GMDS: variants seen among roughly 807,000 people sequenced by gnomAD.
GMDS encodes the protein GDP-mannose 4,6-dehydratase.
A neutral mutation model predicts 49.9 loss-of-function variants in GMDS; 20 were observed. That is an observed-to-expected ratio of 0.40 (90% CI 0.28 to 0.58). The LOEUF is 0.58. Among genes scored for constraint, GMDS ranks in the 20% least tolerant of loss-of-function variants. The pLI, the probability that GMDS is intolerant of heterozygous loss-of-function variation, is 0.42. For synonymous variants in GMDS, 177 were observed against 178.6 expected (o/e 0.99, Z 0.07); for missense variants, 362 against 481.4 (o/e 0.75, Z 2.32).
At chr6:1,971,831 G>A (rs1187848217) in intron 4 of GMDS, among the ~76,000 whole-genome samples, 1 of 152,194 alleles carries the variant, frequency 6.6e-6, no homozygotes, top group Non-Finnish European at 1.5e-5. Context: ...AGGCGAATTG[G>A]AGCTCTCACA....
At chr6:2,050,896 G>A (rs1245193140) in intron 4 of GMDS, among the ~76,000 whole-genome samples, 1 of 152,048 alleles carries the variant, frequency 6.6e-6, no homozygotes, top group Non-Finnish European at 1.5e-5. Flanking sequence ...TCACTCATAG[G>A]TGGGAAATGA....
chr6:1,649,190 A>C (rs1283659626), intron 9 of GMDS, among the ~76,000 whole-genome samples: 1 of 152,194 alleles, frequency 6.6e-6, no homozygotes, highest in African/African-American at 2.4e-5. Context: ...GTTTGGAATA[A>C]TACTGTGATG....
intron 7 of GMDS, among the ~76,000 whole-genome samples, chr6:1,920,551 G>C (rs952785556): frequency 6.6e-6 from 1 of 152,176 alleles, no homozygotes; most frequent in African/African-American, 2.4e-5. Flanking sequence ...GAGTGCATGA[G>C]TATAAAGATG....
chr6:2,142,057 T>C (rs929120617), intron 1 of GMDS, among the ~76,000 whole-genome samples: 2 of 152,188 alleles, frequency 1.3e-5, no homozygotes, highest in African/African-American at 2.4e-5. Flanking sequence ...TATTTTCTTA[T>C]ACGGGGGAGG....
chr6:1,713,471 C>T (rs977797578), intron 9 of GMDS, among the ~76,000 whole-genome samples: 6 of 152,216 alleles, frequency 3.9e-5, no homozygotes, highest in African/African-American at 1.4e-4. Context: ...CCACTGCCCA[C>T]CCCCGCCAGC....
intron 7 of GMDS, 98 bp downstream of exon 7, chr6:1,930,005 T>G: frequency 1.8e-6 from 2 of 1,082,484 alleles, no homozygotes; most frequent in Non-Finnish European, 2.7e-6. Context: ...AAGGTTTGTA[T>G]GCCCCCACCT....
chr6:1,737,996 CCA>C (rs1212464966), intron 8 of GMDS, among the ~76,000 whole-genome samples: 28 of 140,170 alleles, frequency 2.0e-4, no homozygotes, highest in East Asian at 4.5e-4. Flanking sequence ...CACAAACACA[CCA>C]CACACACAGA....
chr6:2,071,771 AAGAT>A (rs2127459482), intron 4 of GMDS, among the ~76,000 whole-genome samples: 1 of 152,258 alleles, frequency 6.6e-6, no homozygotes, highest in African/African-American at 2.4e-5. Flanking sequence ...TGAAGTGTCT[AAGAT>A]AGCAAAAAGG....
At chr6:1,643,619 CAG>C (rs1421178433) in intron 9 of GMDS, among the ~76,000 whole-genome samples, 4 of 152,024 alleles carry the variant, frequency 2.6e-5, no homozygotes, top group South Asian at 2.1e-4. Context: ...TGCATAGAGA[CAG>C]GGGTGGAGAG....
chr6:2,204,217 C>A (rs938991298), intron 1 of GMDS, among the ~76,000 whole-genome samples: 7 of 151,492 alleles, frequency 4.6e-5, no homozygotes, highest in African/African-American at 9.8e-5. Flanking sequence ...TTTATGTTTG[C>A]CTTTCCACAG....
chr6:1,704,546 C>T (rs1427956707), intron 9 of GMDS, among the ~76,000 whole-genome samples: 3 of 152,084 alleles, frequency 2.0e-5, no homozygotes, highest in East Asian at 3.8e-4. Flanking sequence ...AAAGGAACAC[C>T]CCAGAAAGGA....
intron 9 of GMDS, among the ~76,000 whole-genome samples, chr6:1,636,413 T>C (rs1403508820): frequency 1.3e-5 from 2 of 152,234 alleles, no homozygotes; most frequent in African/African-American, 2.4e-5. Flanking sequence ...AGGGCTAGCC[T>C]GAGGCTGAAG....
At chr6:2,192,023 G>A (rs1320339370) in intron 1 of GMDS, among the ~76,000 whole-genome samples, 1 of 152,202 alleles carries the variant, frequency 6.6e-6, no homozygotes, top group Non-Finnish European at 1.5e-5. Flanking sequence ...GCTAGAGCAG[G>A]GCAGGGGATG....
At chr6:2,020,819 A>G (rs1768232897) in intron 4 of GMDS, among the ~76,000 whole-genome samples, 1 of 152,236 alleles carries the variant, frequency 6.6e-6, no homozygotes, top group Admixed American at 6.5e-5. Context: ...ACTCATAAGG[A>G]AGAATGTTGC....
chr6:1,861,142 G>A (rs990043286), intron 7 of GMDS, among the ~76,000 whole-genome samples: 1 of 152,212 alleles, frequency 6.6e-6, no homozygotes, highest in Non-Finnish European at 1.5e-5. Flanking sequence ...CTGGAGGAGA[G>A]TTTTAGAAAT....
chr6:1,718,088 C>A (rs1444602931), intron 9 of GMDS, among the ~76,000 whole-genome samples: 1 of 152,140 alleles, frequency 6.6e-6, no homozygotes, highest in Non-Finnish European at 1.5e-5. Context: ...CTGAGACTTA[C>A]CTCCTGGAAT....
In GMDS at chr6:2,245,502, G is replaced by A; in HGVS notation, c.-80C>T. 1 of 740,278 alleles carries A rather than the reference G, an allele frequency of 1.4e-6. No individual in the cohort carries two copies. The highest frequency in any genetic ancestry group is 1.9e-6 in the Non-Finnish European group (1 of 516,768). The allele number at this position is 740,278 out of a possible 1,614,324, so 45.9% of individuals were successfully genotyped here. A position where few individuals can be genotyped will look rare whatever the true frequency, so the allele number is the denominator to read the frequency against. On this transcript the variant is annotated 5_prime_UTR_variant, in exon 1 of 11. Transcript: ENST00000380815. Reference sequence around the variant, plus strand: ...GCGGTGCCGGCAGGAACGCGGGGGTGTGCAGCACGAAGCGCCTCTCCAGGC... The same window carrying A: ...GCGGTGCCGGCAGGAACGCGGGGGTATGCAGCACGAAGCGCCTCTCCAGGC...
chr6:2,043,624 C>T lies in GMDS; in HGVS notation c.345+72147G>A, dbSNP rs191718384. The stretch of plus-strand genomic sequence containing the variant: ...ATCTGTTTAAGTTTTTTAAATGTGG[C>T]TATTATAAAATTTGAAAGTGCACGT... On this transcript the variant is annotated intron_variant, in intron 4 of 10. Transcript: ENST00000380815. 1.6e-4 allele frequency among the ~76,000 whole-genome samples: 24 copies of T among 152,282 alleles called. No individual in the cohort carries two copies. In the Middle Eastern group the frequency reaches 0.014, roughly 86 times the overall value.
At position 1,656,759 on chromosome 6, in the gene GMDS, G is replaced by C. The variant is rs191452515; in HGVS notation, c.988-32219C>G. Among the ~76,000 whole-genome samples, 19 of 149,274 alleles carry C rather than the reference G, an allele frequency of 1.3e-4. No individual in the cohort carries two copies. The East Asian group carries it at 3.5e-3, about 28-fold the overall frequency. ...AGCCTGGGCGACAGAGCGAGACTCT[G>C]TCTCAAAAAAAAAAAAAAATTACAT... On this transcript the variant is annotated intron_variant, in intron 9 of 10. Coordinates refer to ENST00000380815, the MANE Select transcript of GMDS (RefSeq NM_001500.4).
Sources: allele counts gnomAD v4.1 joint callset (sites outside exome capture counted in the v4.1 genomes callset), GRCh38; gene constraint gnomAD v4.1.1; transcripts MANE v1.5; gene names NCBI Gene and HGNC (gene_info 2026-07-23, HGNC 2026-07-21).